The following CCNH variants were observed in gnomAD, a reference collection of about 807,000 sequenced individuals.
CCNH encodes cyclin H.
A neutral mutation model predicts 41.9 loss-of-function variants in CCNH; 31 were observed. The observed-to-expected ratio is 0.74, with a 90% CI of 0.56 to 1.00. CCNH has a LOEUF of 1.00. Among genes scored for constraint, CCNH ranks in the 50% least tolerant of loss-of-function variants. The pLI is 0.00. For missense variants in CCNH, 362 were observed against 388.4 expected, an observed-to-expected ratio of 0.93 and a Z score of 0.57; for synonymous variants, 138 against 136.1, an observed-to-expected ratio of 1.01 and a Z score of -0.10.
chr5:87,360,637 AGTAAATTTT>A (rs1448958651), intron 9 of CCNH, among the ~76,000 whole-genome samples: 1 of 152,204 alleles, frequency 6.6e-6, no homozygotes, highest in African/African-American at 2.4e-5. Flanking sequence ...AATCATATTA[AGTAAATTTT>A]GATGTACATA....
chr5:87,372,161 G>C (rs1423385321), downstream of CCNH: 1 of 1,613,560 alleles, frequency 6.2e-7, no homozygotes, highest in African/African-American at 1.3e-5. Flanking sequence ...TTACGGAAAA[G>C]TAGTCCAGGG....
chr5:87,337,537 T>G (rs1758060672), intron 9 of CCNH, among the ~76,000 whole-genome samples: 2 of 152,090 alleles, frequency 1.3e-5, no homozygotes, highest in Admixed American at 6.5e-5. Flanking sequence ...TATGTATGTA[T>G]AGTGTGTTAA....
intron 3 of CCNH, 32 bp from the exon 4 acceptor site, chr5:87,408,218 G>T: frequency 9.8e-7 from 1 of 1,021,212 alleles, no homozygotes; most frequent in Non-Finnish European, 1.5e-6. Flanking sequence ...CAGGAGGCAG[G>T]GGGTGGGTGG....
downstream of CCNH, among the ~76,000 whole-genome samples, chr5:87,317,736 A>G (rs1703256135): frequency 6.6e-6 from 1 of 151,784 alleles, no homozygotes; most frequent in Non-Finnish European, 1.5e-5. Context: ...CCTGGGTTCA[A>G]TTAATTCTCA....
chr5:87,412,783 G>A lies in CCNH; in HGVS notation c.12C>T (p.Asn4=). 6.2e-7 allele frequency: 1 copy of A among 1,614,190 alleles called. No homozygotes were observed. Among genetic ancestry groups the A allele is most frequent in the Non-Finnish European group, 8.5e-7 (1 of 1,180,020 alleles). The change falls in exon 1 of 9, where the codon AAC becomes AAT. Residue 4 remains asparagine (N), a synonymous_variant. Transcript: ENST00000256897. MYH[N]SSQKRHWTFS... ...AGGTCCAGTGCCGCTTCTGACTACT[G>A]TTGTGGTACATTATGGAATCGTGAC...
chr5:87,374,178 T>G, downstream of CCNH: 1 of 1,541,712 alleles, frequency 6.5e-7, no homozygotes, highest in Non-Finnish European at 8.8e-7. Flanking sequence ...CAGCCTTGTT[T>G]TACATATTGA....
Position 87,401,669 on chromosome 5 carries a change from G to A in CCNH, c.760+33C>T, listed in dbSNP as rs372079984. The A allele has an allele frequency of 2.2e-4, 287 of 1,318,428 alleles. 1 individual carries two copies. The Middle Eastern group carries it at 2.6e-3, about 12-fold the overall frequency. The allele number at this position is 1,318,428 out of a possible 1,614,324, so 81.7% of individuals were successfully genotyped here. ...TTTAGAAAGGAGCTTTGTATTGGAA[G>A]AAACATTTTGTAAAGTGTTCTCTTT... On this transcript the variant is annotated intron_variant, in intron 6 of 8. Coordinates refer to ENST00000256897, the MANE Select transcript of CCNH (RefSeq NM_001239.4).
rs141744633 is a variant in CCNH, at chr5:87,342,843, T to C, written c.*91-23946A>G. 5.1e-3 allele frequency among the ~76,000 whole-genome samples: 772 copies of C among 152,294 alleles called. 10 individuals are homozygous for C. Among genetic ancestry groups the C allele is most frequent in the African/African-American group, 0.018 (736 of 41,568 alleles). On this transcript the variant is annotated intron_variant and NMD_transcript_variant, in intron 9 of 9. Transcript: ENST00000645953. The stretch of plus-strand genomic sequence containing the variant: ...AGACCATAAATCTAGGTTTTTTTAT[T>C]TTAGATAATAGCAATGGAATTTTAA...
chr5:87,315,968 G>T (rs997963364), downstream of CCNH, among the ~76,000 whole-genome samples: 1 of 152,088 alleles, frequency 6.6e-6, no homozygotes, highest in Non-Finnish European at 1.5e-5. Flanking sequence ...TCAGTAATTT[G>T]TAATTCAATT....
chr5:87,409,976 C>G (rs1312266653), intron 2 of CCNH, among the ~76,000 whole-genome samples: 2 of 152,092 alleles, frequency 1.3e-5, no homozygotes, highest in African/African-American at 2.4e-5. Flanking sequence ...TGAAGTATTA[C>G]TATCTCTACA....
At chr5:87,374,042 A>G (rs940511665), downstream of CCNH, 12 of 864,058 alleles carry the variant, frequency 1.4e-5, no homozygotes, top group East Asian at 4.7e-5. Context: ...ACATTTTCTG[A>G]AAAAAAAGGG....
intron 9 of CCNH, among the ~76,000 whole-genome samples, chr5:87,366,159 G>T (rs1005243720): frequency 4.6e-5 from 7 of 152,122 alleles, no homozygotes; most frequent in African/African-American, 1.7e-4. Flanking sequence ...AATACAAAAA[G>T]ATATGTGTCT....
chr5:87,328,814 G>A (rs1246710368), intron 9 of CCNH, among the ~76,000 whole-genome samples: 1 of 152,036 alleles, frequency 6.6e-6, no homozygotes, highest in Admixed American at 6.6e-5. Flanking sequence ...CCCAAGGACT[G>A]GTGTTTAAAG....
At chr5:87,410,842 T>A (rs960849611) in intron 2 of CCNH, among the ~76,000 whole-genome samples, 2 of 152,220 alleles carry the variant, frequency 1.3e-5, no homozygotes, top group Non-Finnish European at 2.9e-5. Context: ...GGCATATGAT[T>A]ACCAATGATG....
rs770707573 is a variant in CCNH, at chr5:87,331,310, C to G, written c.*91-12413G>C. On this transcript the variant is annotated intron_variant and NMD_transcript_variant, in intron 9 of 9. Transcript: ENST00000645953. ...AGTGTCCATAGAAATTCTGCACTTGCTATTTATATTGTAATATCTTCTCTG... is the reference window on the plus strand; with the variant it reads ...AGTGTCCATAGAAATTCTGCACTTGGTATTTATATTGTAATATCTTCTCTG... 1.0e-5 allele frequency: 16 copies of G among 1,554,432 alleles called. No individual in the cohort carries two copies. In the East Asian group the frequency reaches 3.6e-4, roughly 35 times the overall value.
intron 5 of CCNH, among the ~76,000 whole-genome samples, chr5:87,402,648 CTGTT>C (rs768160891): frequency 4.6e-5 from 7 of 152,110 alleles, no homozygotes; most frequent in South Asian, 2.1e-4. Context: ...AGTTTGGTAA[CTGTT>C]TGATATTACA....
chr5:87,379,786 C>A, upstream of CCNH: 3 of 1,612,880 alleles, frequency 1.9e-6, no homozygotes, highest in Non-Finnish European at 1.7e-6. Flanking sequence ...TAATTTAACA[C>A]ACCTATTGAA....
downstream of CCNH, among the ~76,000 whole-genome samples, chr5:87,317,010 G>A (rs896913595): frequency 1.3e-5 from 2 of 152,062 alleles, no homozygotes; most frequent in African/African-American, 4.8e-5. Context: ...AGACTCCCGA[G>A]TAGCTGGGAT....
chr5:87,316,968 T>C (rs1050342990), downstream of CCNH, among the ~76,000 whole-genome samples: 3 of 151,926 alleles, frequency 2.0e-5, no homozygotes, highest in Non-Finnish European at 4.4e-5. Context: ...CTGCAACCTC[T>C]ACCTCCTGGA....
Sources: gnomAD v4.1 joint callset for allele counts (sites outside exome capture counted in the v4.1 genomes callset) on GRCh38, gnomAD v4.1.1 for gene constraint, MANE v1.5 for transcripts, NCBI Gene and HGNC (gene_info 2026-07-23, HGNC 2026-07-21) for gene names.